The following GRM7 variants were observed in gnomAD, a reference collection of about 807,000 sequenced individuals.
GRM7 encodes the protein metabotropic glutamate receptor 7.
Under a neutral mutation model 84.5 loss-of-function variants are expected in GRM7, and 35 were observed. The ratio of observed to expected loss-of-function variants is 0.41; its 90% CI spans 0.32 to 0.55. GRM7 has a LOEUF of 0.55. Among genes scored for constraint, GRM7 ranks in the 20% least tolerant of loss-of-function variants. The pLI is 0.19. For missense variants in GRM7, 1,003 were observed against 1,194.6 expected, an observed-to-expected ratio of 0.84 and a Z score of 2.36; for synonymous variants, 487 against 455.1, an observed-to-expected ratio of 1.07 and a Z score of -0.89.
chr3:7,424,925 T>TTTTTTTC (rs1191878795), intron 5 of GRM7, among the ~76,000 whole-genome samples: 1 of 152,194 alleles, frequency 6.6e-6, no homozygotes, highest in East Asian at 1.9e-4. Flanking sequence ...GCCCTGACTG[T>TTTTTTTC]CCATGAGAGG....
intron 4 of GRM7, among the ~76,000 whole-genome samples, chr3:7,387,597 A>T (rs888104022): frequency 1.3e-5 from 2 of 152,188 alleles, no homozygotes; most frequent in Non-Finnish European, 2.9e-5. Flanking sequence ...AATTAGTTGT[A>T]GGTGTGCAGC....
At chr3:7,317,439 T>C (rs1700624114) in intron 4 of GRM7, among the ~76,000 whole-genome samples, 1 of 152,164 alleles carries the variant, frequency 6.6e-6, no homozygotes, top group Admixed American at 6.6e-5. Context: ...TGAGGTCATG[T>C]TGAGACATAC....
At position 7,188,032 on chromosome 3, in the gene GRM7, A is replaced by T. The variant is rs1695578538; in HGVS notation, c.736+41364A>T. On this transcript the variant is annotated intron_variant, in intron 2 of 9. Transcript: ENST00000357716. The surrounding 1 kb of genome is among the most constrained non-coding windows in gnomAD (Gnocchi z 4.2). Reference sequence around the variant, plus strand: ...TTTCGGGAGCTCAAAAGAAAGGCAAACCTAGAAGGATTCGAGTTCCCTGGT... The same window carrying T: ...TTTCGGGAGCTCAAAAGAAAGGCAATCCTAGAAGGATTCGAGTTCCCTGGT... 6.6e-6 allele frequency among the ~76,000 whole-genome samples: 1 copy of T among 152,150 alleles called. No homozygotes were observed. The highest frequency in any genetic ancestry group is 1.5e-5 in the Non-Finnish European group (1 of 68,026).
chr3:7,219,068 A>G (rs1696709407), intron 2 of GRM7, among the ~76,000 whole-genome samples: 1 of 152,152 alleles, frequency 6.6e-6, no homozygotes. Context: ...CATTAAACAT[A>G]TGTATAAGGT....
intron 7 of GRM7, among the ~76,000 whole-genome samples, chr3:7,470,309 C>A (rs1412254144): frequency 6.6e-6 from 1 of 152,274 alleles, no homozygotes; most frequent in Non-Finnish European, 1.5e-5. Flanking sequence ...TATCCCAAAA[C>A]ATTCCATAAT....
At chr3:7,482,372 G>T (rs1234668481) in intron 7 of GRM7, among the ~76,000 whole-genome samples, 1 of 152,046 alleles carries the variant, frequency 6.6e-6, no homozygotes, top group African/African-American at 2.4e-5. Flanking sequence ...CCTGAAGAAA[G>T]GTACCTACCT....
In GRM7 at chr3:7,333,903, CAGACAA is replaced by C. The variant is rs144353485; in HGVS notation, c.1033+27261_1033+27266del. ...GACAAGGCTTTTGAATTAAGCCAAT[CAGACAA>C]AGACAAAGAATAAAGAATTTAAAAA... is the stretch of plus-strand genomic sequence containing the variant. On this transcript the variant is annotated intron_variant, in intron 4 of 9. Transcript: ENST00000357716. Among the ~76,000 whole-genome samples the C allele has an allele frequency of 9.1e-4, 139 of 152,034 alleles. 1 individual carries two copies. Among genetic ancestry groups the C allele is most frequent in the Middle Eastern group, 3.4e-3 (1 of 292 alleles).
chr3:7,333,562 G>T (rs938491029), intron 4 of GRM7, among the ~76,000 whole-genome samples: 5 of 151,968 alleles, frequency 3.3e-5, no homozygotes, highest in African/African-American at 1.2e-4. Context: ...ACAAAATGAG[G>T]TTCTATAACA....
chr3:7,256,912 G>C (rs771277138), intron 2 of GRM7, among the ~76,000 whole-genome samples: 1 of 152,188 alleles, frequency 6.6e-6, no homozygotes, highest in Non-Finnish European at 1.5e-5. Context: ...TATTTGAGAA[G>C]CCTTGGTTAG....
At chr3:6,903,968 T>A (rs937875421) in intron 1 of GRM7, among the ~76,000 whole-genome samples, 1 of 152,176 alleles carries the variant, frequency 6.6e-6, no homozygotes, top group South Asian at 2.1e-4. Flanking sequence ...ATAAATGTTA[T>A]GTGTTTTCAT....
At chr3:7,300,540 G>A (rs181458930) in intron 3 of GRM7, among the ~76,000 whole-genome samples, 6 of 152,018 alleles carry the variant, frequency 3.9e-5, no homozygotes, top group Admixed American at 2.6e-4. Context: ...GTTCTTTTTC[G>A]GGAGATCTGG....
intron 7 of GRM7, among the ~76,000 whole-genome samples, chr3:7,530,768 T>G (rs1701007565): frequency 6.6e-6 from 1 of 152,132 alleles, no homozygotes; most frequent in Non-Finnish European, 1.5e-5. Context: ...GTTCTTATCT[T>G]TTGTCCATTT....
Position 7,578,594 on chromosome 3 carries a change from G to C in GRM7, c.1688G>C (p.Cys563Ser). ...YQFDEMTCQHCPYDQRPNENR... is the reference protein window; with the variant it reads ...YQFDEMTCQHSPYDQRPNENR... ...TTTGATGAGATGACATGCCAGCATT[G>C]CCCCTATGACCAGAGGCCCAATGAA... The change falls in exon 8 of 10, where the codon TGC becomes TCC. Residue 563 changes from cysteine (C) to serine (S), a missense_variant. Transcript: ENST00000357716. 1 of 1,614,032 alleles carries C rather than the reference G, an allele frequency of 6.2e-7. No homozygotes were observed. Among genetic ancestry groups the C allele is most frequent in the Non-Finnish European group, 8.5e-7 (1 of 1,180,000 alleles).
In GRM7 at chr3:7,188,010, C is replaced by T. The variant is rs1282385780; in HGVS notation, c.736+41342C>T. ...AATAATGTGATTTAAAAATTCCTTT[C>T]GGGAGCTCAAAAGAAAGGCAAACCT... On this transcript the variant is annotated intron_variant, in intron 2 of 9. Transcript: ENST00000357716. This position sits in a 1 kb window ranked among gnomAD's most constrained non-coding sequence, Gnocchi z 4.2. 2.0e-5 allele frequency among the ~76,000 whole-genome samples: 3 copies of T among 152,040 alleles called. No homozygotes were observed. Among genetic ancestry groups the T allele is most frequent in the Non-Finnish European group, 2.9e-5 (2 of 68,006 alleles).
chr3:6,895,354 T>C (rs1381194765), intron 1 of GRM7, among the ~76,000 whole-genome samples: 1 of 152,204 alleles, frequency 6.6e-6, no homozygotes, highest in African/African-American at 2.4e-5. Context: ...ATTCTAGCTC[T>C]TTGAACAGGG....
At chr3:7,222,901 C>G (rs1023663394) in intron 2 of GRM7, among the ~76,000 whole-genome samples, 8 of 152,150 alleles carry the variant, frequency 5.3e-5, no homozygotes, top group African/African-American at 7.2e-5. Context: ...TATCACTGGA[C>G]TGTGTAAGAA....
intron 4 of GRM7, among the ~76,000 whole-genome samples, chr3:7,382,853 C>A (rs1035882804): frequency 6.6e-6 from 1 of 152,208 alleles, no homozygotes; most frequent in African/African-American, 2.4e-5. Context: ...CTACATTGCA[C>A]AATCTCAGTA....
At chr3:7,356,516 G>A (rs1693410591) in intron 4 of GRM7, among the ~76,000 whole-genome samples, 1 of 151,888 alleles carries the variant, frequency 6.6e-6, no homozygotes, top group South Asian at 2.1e-4. Flanking sequence ...TGCCTAGCCT[G>A]GTCTCAAACT....
chr3:6,862,094 A>G lies in GRM7; in HGVS notation c.519+187A>G, dbSNP rs960736405. Reference sequence around the variant, plus strand: ...TCCCTGCTTGGTTTATTTCCCTTCCATCTCTCCCCTGTCCACGCTCCACTC... The same window carrying G: ...TCCCTGCTTGGTTTATTTCCCTTCCGTCTCTCCCCTGTCCACGCTCCACTC... On this transcript the variant is annotated intron_variant, in intron 1 of 9. Transcript: ENST00000357716. The surrounding 1 kb of genome is among the most constrained non-coding windows in gnomAD (Gnocchi z 5.2). Among the ~76,000 whole-genome samples, 2 of 150,776 alleles carry G rather than the reference A, an allele frequency of 1.3e-5. No individual in the cohort carries two copies. Among genetic ancestry groups the G allele is most frequent in the African/African-American group, 2.4e-5 (1 of 40,930 alleles).
Sources: gnomAD v4.1 joint callset for allele counts (sites outside exome capture counted in the v4.1 genomes callset) on GRCh38, gnomAD v4.1.1 for gene constraint, Gnocchi (gnomAD v3.1) non-coding constraint, MANE v1.5 for transcripts, NCBI Gene and HGNC (gene_info 2026-07-23, HGNC 2026-07-21) for gene names.